The following RARRES1 variants were observed in gnomAD, a reference collection of about 807,000 sequenced individuals.
RARRES1 encodes the protein retinoic acid receptor responder 1, also known as retinoic acid receptor responder protein 1.
RARRES1 carries 34 observed loss-of-function variants against 30.6 expected under a neutral mutation model. The ratio of observed to expected loss-of-function variants is 1.11; its 90% CI spans 0.84 to 1.48. The LOEUF (loss-of-function observed/expected upper bound fraction) is 1.48, where lower values mean the gene tolerates loss of function less well. RARRES1 is among the 40% of genes most tolerant of loss of function. The pLI is 0.00. For synonymous variants in RARRES1, 153 were observed against 155.5 expected, an observed-to-expected ratio of 0.98 and a Z score of 0.12; for missense variants, 373 against 386.5, an observed-to-expected ratio of 0.97 and a Z score of 0.29.
At position 158,723,434 on chromosome 3, in the gene RARRES1, C is replaced by T. The variant is rs1397955233; in HGVS notation, c.276+8706G>A. Among the ~76,000 whole-genome samples the T allele has an allele frequency of 6.6e-6, 1 of 152,198 alleles. No individual in the cohort carries two copies. The highest frequency in any genetic ancestry group is 2.4e-5 in the African/African-American group (1 of 41,432). On this transcript the variant is annotated intron_variant, in intron 1 of 5. Coordinates refer to ENST00000237696, the MANE Select transcript of RARRES1 (RefSeq NM_206963.2). The surrounding 1 kb of genome is among the most constrained non-coding windows in gnomAD (Gnocchi z 4.4). The stretch of plus-strand genomic sequence containing the variant: ...CTTATGTTCCAGATGGAGACAGCAT[C>T]AGTATATTATATTATACCCTGGAAT...
In RARRES1 at chr3:158,697,656, G is replaced by A. The variant is rs755594799; in HGVS notation, c.*22C>T. 18 of 1,589,402 alleles carry A rather than the reference G, an allele frequency of 1.1e-5. No homozygotes were observed. Among genetic ancestry groups the A allele is most frequent in the Admixed American group, 5.1e-5 (3 of 58,970 alleles). ...TAGTATAGTCACTTGTTTAGAAGTC[G>A]GAAAAAGATCATTTTTTCTTTTTAG... On this transcript the variant is annotated 3_prime_UTR_variant, in exon 6 of 6. Transcript: ENST00000237696.
chr3:158,720,561 C>G (rs1268785280), intron 1 of RARRES1, among the ~76,000 whole-genome samples: 1 of 150,674 alleles, frequency 6.6e-6, no homozygotes. Context: ...TTGCCTCTTC[C>G]TAGTTTTAGG....
At chr3:158,722,860 C>T (rs555708487) in intron 1 of RARRES1, among the ~76,000 whole-genome samples, 13 of 138,636 alleles carry the variant, frequency 9.4e-5, no homozygotes, top group South Asian at 7.0e-4. Context: ...CCAGCCTGGG[C>T]GACAGAGTGA....
chr3:158,724,476 T>C (rs1727614031), intron 1 of RARRES1, among the ~76,000 whole-genome samples: 1 of 152,214 alleles, frequency 6.6e-6, no homozygotes, highest in Non-Finnish European at 1.5e-5. Flanking sequence ...GAAGATGCTA[T>C]GCTGTTTGCT....
chr3:158,732,248 G>A lies in RARRES1; in HGVS notation c.168C>T (p.Arg56=), dbSNP rs576040815. The change falls in exon 1 of 6, where the codon CGC becomes CGT. Residue 56 remains arginine (R), a synonymous_variant. Coordinates refer to ENST00000237696, the MANE Select transcript of RARRES1 (RefSeq NM_206963.2). ...PGQPQDAGVP[R]RLLQQAARAA... The stretch of plus-strand genomic sequence containing the variant: ...CGCGCGCCGCCTGCTGCAGGAGCCT[G>A]CGCGGGACCCCAGCATCCTGAGGCT... 332 of 1,383,052 alleles carry A rather than the reference G, an allele frequency of 2.4e-4. 3 individuals are homozygous for A. The East Asian group carries it at 9.9e-3, about 41-fold the overall frequency. The allele number at this position is 1,383,052 out of a possible 1,614,324, so 85.7% of individuals were successfully genotyped here.
intron 4 of RARRES1, 196 bp from the exon 5 acceptor site, chr3:158,698,166 A>G (rs928501732): frequency 1.8e-6 from 1 of 546,704 alleles, no homozygotes; most frequent in Non-Finnish European, 3.3e-6. Flanking sequence ...ACTGAGTTAT[A>G]TGAAAGTCTG....
intron 3 of RARRES1, among the ~76,000 whole-genome samples, chr3:158,710,155 C>G (rs955373245): frequency 1.3e-5 from 2 of 152,082 alleles, no homozygotes; most frequent in Admixed American, 1.3e-4. Flanking sequence ...TACCTCTTAC[C>G]TGGGGGTTCA....
At chr3:158,728,210 T>TAA (rs1553746094) in intron 1 of RARRES1, among the ~76,000 whole-genome samples, 2,848 of 144,986 alleles carry the variant, frequency 0.02, 87 homozygotes, top group African/African-American at 0.069. Context: ...CTATTTCGTT[T>TAA]AAAAAAAAAA....
chr3:158,698,981 A>C (rs1411774940), intron 4 of RARRES1, among the ~76,000 whole-genome samples: 1 of 152,190 alleles, frequency 6.6e-6, no homozygotes, highest in Non-Finnish European at 1.5e-5. Flanking sequence ...TCAATGCTTG[A>C]GAGCTGGGAC....
At chr3:158,728,782 C>T (rs1727780147) in intron 1 of RARRES1, among the ~76,000 whole-genome samples, 1 of 152,054 alleles carries the variant, frequency 6.6e-6, no homozygotes, top group Non-Finnish European at 1.5e-5. Flanking sequence ...CCTCAACCTC[C>T]CAAAGTGCTG....
intron 1 of RARRES1, among the ~76,000 whole-genome samples, chr3:158,725,405 C>T (rs1576823604): frequency 6.6e-6 from 1 of 152,224 alleles, no homozygotes; most frequent in Non-Finnish European, 1.5e-5. Context: ...CCATGCCTCA[C>T]AATGTCAGTC....
intron 4 of RARRES1, among the ~76,000 whole-genome samples, chr3:158,699,378 T>C (rs1726649289): frequency 6.6e-6 from 1 of 151,964 alleles, no homozygotes; most frequent in African/African-American, 2.4e-5. Context: ...ATTAAACTTG[T>C]ATTTTCGTTA....
chr3:158,717,981 ATT>A (rs10663483), intron 1 of RARRES1, among the ~76,000 whole-genome samples: 1 of 144,462 alleles, frequency 6.9e-6, no homozygotes. Context: ...TATTAAGACA[ATT>A]TTTTTTTTTT....
chr3:158,720,297 A>C (rs897232532), intron 1 of RARRES1, among the ~76,000 whole-genome samples: 16 of 149,872 alleles, frequency 1.1e-4, no homozygotes, highest in East Asian at 3.9e-4. Flanking sequence ...AGAGAGAGAG[A>C]GCGCTGGGAT....
chr3:158,725,076 G>A (rs148018763), intron 1 of RARRES1, among the ~76,000 whole-genome samples: 1,686 of 152,142 alleles, frequency 0.011, 49 homozygotes, highest in African/African-American at 0.039. Flanking sequence ...CTCCAACCTC[G>A]GCCTCCCAAA....
intron 1 of RARRES1, among the ~76,000 whole-genome samples, chr3:158,718,947 C>T (rs1456510389): frequency 1.3e-5 from 2 of 152,174 alleles, no homozygotes; most frequent in Non-Finnish European, 2.9e-5. Context: ...AGAAGGATTC[C>T]TGTAATATAG....
chr3:158,701,854 T>C (rs749971913), intron 4 of RARRES1, among the ~76,000 whole-genome samples: 1 of 152,188 alleles, frequency 6.6e-6, no homozygotes, highest in Non-Finnish European at 1.5e-5. Context: ...TGTATTAGTT[T>C]AACTTCAATC....
intron 3 of RARRES1, among the ~76,000 whole-genome samples, chr3:158,707,368 A>G (rs1177046203): frequency 6.6e-6 from 1 of 152,170 alleles, no homozygotes; most frequent in Non-Finnish European, 1.5e-5. Context: ...TGATGGGTCT[A>G]TGAAGAAACT....
Position 158,713,793 on chromosome 3 carries a change from T to C in RARRES1, c.339+4A>G. Reference sequence around the variant, plus strand: ...AGGATACTTTGCCAATTGTGGCAGCTTACCTCTGGGTTGTAGCGCTCTGTG... The same window carrying C: ...AGGATACTTTGCCAATTGTGGCAGCCTACCTCTGGGTTGTAGCGCTCTGTG... On this transcript the variant is annotated splice_donor_region_variant and intron_variant, in intron 2 of 5. Coordinates refer to ENST00000237696, the MANE Select transcript of RARRES1 (RefSeq NM_206963.2). 1 of 1,610,686 alleles carries C rather than the reference T, an allele frequency of 6.2e-7. No individual in the cohort carries two copies.
Sources: allele counts gnomAD v4.1 joint callset (sites outside exome capture counted in the v4.1 genomes callset), GRCh38; gene constraint gnomAD v4.1.1; non-coding constraint Gnocchi (gnomAD v3.1); transcripts MANE v1.5; gene names NCBI Gene and HGNC (gene_info 2026-07-23, HGNC 2026-07-21).